The following MARCHF6 variants were observed in gnomAD, a reference collection of about 807,000 sequenced individuals.
MARCHF6 encodes the protein membrane associated ring-CH-type finger 6, also known as E3 ubiquitin-protein ligase MARCHF6.
Under a neutral mutation model 133.7 loss-of-function variants are expected in MARCHF6, and 31 were observed. The observed-to-expected ratio is 0.23, with a 90% CI of 0.17 to 0.31. MARCHF6 has a LOEUF of 0.31. Among genes scored for constraint, MARCHF6 ranks in the 10% least tolerant of loss-of-function variants. MARCHF6 has a pLI of 1.00. For synonymous variants in MARCHF6, 395 were observed against 402.5 expected (o/e 0.98, Z 0.22); for missense variants, 723 against 1,121.6 (o/e 0.64, Z 5.08).
intron 6 of MARCHF6, among the ~76,000 whole-genome samples, chr5:10,390,911 T>C (rs1561121449): frequency 6.6e-6 from 1 of 152,202 alleles, no homozygotes; most frequent in Non-Finnish European, 1.5e-5. Context: ...GACTACAGAA[T>C]GTTTTTAAGA....
intron 1 of MARCHF6, among the ~76,000 whole-genome samples, chr5:10,363,131 G>C (rs569131228): frequency 1.3e-5 from 2 of 152,262 alleles, no homozygotes; most frequent in South Asian, 4.1e-4. Context: ...TCTTGGGTTA[G>C]ACCAAGATCT....
intron 9 of MARCHF6, 124 bp from the exon 10 acceptor site, chr5:10,397,169 T>A: frequency 1.6e-6 from 1 of 620,614 alleles, no homozygotes. Flanking sequence ...CCCAAAACAA[T>A]AGAGGGAAAA....
At chr5:10,362,584 A>G (rs1735891753) in intron 1 of MARCHF6, among the ~76,000 whole-genome samples, 1 of 152,250 alleles carries the variant, frequency 6.6e-6, no homozygotes, top group East Asian at 1.9e-4. Flanking sequence ...ATATGTTAAT[A>G]AAAATAACGT....
intron 4 of MARCHF6, among the ~76,000 whole-genome samples, chr5:10,383,854 G>A (rs879625729): frequency 6.6e-6 from 1 of 152,212 alleles, no homozygotes; most frequent in African/African-American, 2.4e-5. Context: ...GAGAAATTGT[G>A]ACGGGAAGAT....
intron 1 of MARCHF6, among the ~76,000 whole-genome samples, chr5:10,375,393 G>T (rs936209421): frequency 2.6e-5 from 4 of 152,244 alleles, no homozygotes; most frequent in African/African-American, 9.6e-5. Context: ...CTGCCTTCCC[G>T]CTGGGCAGGG....
chr5:10,366,128 C>T (rs1439152674), intron 1 of MARCHF6, among the ~76,000 whole-genome samples: 3 of 151,934 alleles, frequency 2.0e-5, no homozygotes, highest in African/African-American at 7.3e-5. Context: ...AGATGGGTTT[C>T]GCCATGTTGG....
chr5:10,374,198 C>T (rs1475571017), intron 1 of MARCHF6, among the ~76,000 whole-genome samples: 1 of 152,334 alleles, frequency 6.6e-6, no homozygotes, highest in African/African-American at 2.4e-5. Context: ...AGAACTCTTT[C>T]AAGGCCCTGT....
intron 6 of MARCHF6, 101 bp from the exon 7 acceptor site, chr5:10,391,436 GTTTTT>G (rs35378319): frequency 1.3e-4 from 41 of 306,182 alleles, no homozygotes; most frequent in East Asian, 2.7e-4. Context: ...CCTGGCCTAG[GTTTTT>G]TTTTTTTTTT....
intron 2 of MARCHF6, 129 bp downstream of exon 2, chr5:10,378,023 C>T (rs1400542031): frequency 3.5e-6 from 2 of 577,760 alleles, no homozygotes; most frequent in East Asian, 2.9e-5. Context: ...TTCCTGAGCA[C>T]AGGAAACTGA....
chr5:10,400,186 A>G (rs1738439763), intron 10 of MARCHF6, among the ~76,000 whole-genome samples: 2 of 152,250 alleles, frequency 1.3e-5, no homozygotes, highest in South Asian at 4.2e-4. Context: ...GTTGGGAGTG[A>G]TATTTTAAAC....
intron 1 of MARCHF6, among the ~76,000 whole-genome samples, chr5:10,357,425 A>C (rs1561090298): frequency 6.6e-6 from 1 of 151,414 alleles, no homozygotes; most frequent in Non-Finnish European, 1.5e-5. Context: ...AAGTCTTAGT[A>C]ATTTTATTAC....
rs561608470 is a variant in MARCHF6 at position 10,395,396 on chromosome 5, G to A, written c.861+611G>A. Among the ~76,000 whole-genome samples, 157 of 152,244 alleles carry A rather than the reference G, an allele frequency of 1.0e-3. 1 individual carries two copies. Among genetic ancestry groups the A allele is most frequent in the African/African-American group, 3.7e-3 (154 of 41,542 alleles). Reference sequence around the variant, plus strand: ...GTGTTTATTGCCTGTACTGGTGGAAGCAAAGCAGTTTTCCCTATTTTCACA... The same window carrying A: ...GTGTTTATTGCCTGTACTGGTGGAAACAAAGCAGTTTTCCCTATTTTCACA... On this transcript the variant is annotated intron_variant, in intron 9 of 25. Coordinates refer to ENST00000274140, the MANE Select transcript of MARCHF6 (RefSeq NM_005885.4).
chr5:10,406,506 C>A (rs965581813), intron 16 of MARCHF6, among the ~76,000 whole-genome samples: 4 of 151,540 alleles, frequency 2.6e-5, no homozygotes, highest in Non-Finnish European at 5.9e-5. Flanking sequence ...TGTTGTGACT[C>A]AGCCTCCCAA....
At chr5:10,385,861 C>A (rs531900597) in intron 4 of MARCHF6, among the ~76,000 whole-genome samples, 14 of 152,260 alleles carry the variant, frequency 9.2e-5, no homozygotes, top group African/African-American at 3.4e-4. Flanking sequence ...TAAGGACTTA[C>A]AAGATTTAAC....
At chr5:10,370,030 G>T (rs1460467532) in intron 1 of MARCHF6, among the ~76,000 whole-genome samples, 30 of 149,676 alleles carry the variant, frequency 2.0e-4, no homozygotes, top group Non-Finnish European at 7.4e-5. Context: ...GGATTGTCTG[G>T]TAAGGGTGTT....
At chr5:10,403,883 G>A (rs890244200) in intron 15 of MARCHF6, among the ~76,000 whole-genome samples, 1 of 152,108 alleles carries the variant, frequency 6.6e-6, no homozygotes, top group Non-Finnish European at 1.5e-5. Flanking sequence ...GTGTGTCTCA[G>A]ACTTCAAGGA....
intron 23 of MARCHF6, among the ~76,000 whole-genome samples, chr5:10,424,789 T>G (rs1261119867): frequency 6.6e-6 from 1 of 152,204 alleles, no homozygotes; most frequent in Non-Finnish European, 1.5e-5. Flanking sequence ...GGAGAGCTGT[T>G]TTGGCTTCAT....
Position 10,407,116 on chromosome 5 carries a change from C to T in MARCHF6, c.1467C>T (p.Ser489=). The change falls in exon 17 of 26, where the codon TCC becomes TCT. Residue 489 remains serine, a synonymous_variant. Coordinates refer to ENST00000274140, the MANE Select transcript of MARCHF6 (RefSeq NM_005885.4). The part of the protein sequence containing the change: ...RFILSVIVFG[S]IVLLMLWLPI... Reference sequence around the variant, plus strand: ...TCCTTCTGCAGATTGTCTTTGGCTCCATTGTCCTCCTGATGCTTTGGCTTC... The same window carrying T: ...TCCTTCTGCAGATTGTCTTTGGCTCTATTGTCCTCCTGATGCTTTGGCTTC... 1 of 1,610,104 alleles carries T rather than the reference C, an allele frequency of 6.2e-7. No homozygotes were observed. Among genetic ancestry groups the T allele is most frequent in the Non-Finnish European group, 8.5e-7 (1 of 1,176,858 alleles).
intron 6 of MARCHF6, among the ~76,000 whole-genome samples, chr5:10,391,324 G>A (rs1463214319): frequency 6.6e-6 from 1 of 151,508 alleles, no homozygotes; most frequent in Non-Finnish European, 1.5e-5. Flanking sequence ...GTACAGATAG[G>A]GTCTTGCTGT....
Sources: allele counts gnomAD v4.1 joint callset (sites outside exome capture counted in the v4.1 genomes callset), GRCh38; gene constraint gnomAD v4.1.1; transcripts MANE v1.5; gene names NCBI Gene and HGNC (gene_info 2026-07-23, HGNC 2026-07-21).